The following IL1RAP variants were observed in gnomAD, a reference collection of about 807,000 sequenced individuals.
IL1RAP encodes interleukin-1 receptor accessory protein.
Under a neutral mutation model 60.7 loss-of-function variants are expected in IL1RAP, and 35 were observed. That is an observed-to-expected ratio of 0.58 (90% CI 0.44 to 0.76). IL1RAP has a LOEUF of 0.76. Ranked by LOEUF, IL1RAP falls within the 30% of genes least tolerant of loss-of-function variation. The pLI, the probability that IL1RAP is intolerant of heterozygous loss-of-function variation, is 0.00. For synonymous variants in IL1RAP, 268 were observed against 250.9 expected, an observed-to-expected ratio of 1.07 and a Z score of -0.64; for missense variants, 572 against 693.9, an observed-to-expected ratio of 0.82 and a Z score of 1.97.
intron 3 of IL1RAP, among the ~76,000 whole-genome samples, chr3:190,567,435 AT>A: frequency 6.6e-6 from 1 of 152,320 alleles, no homozygotes; most frequent in East Asian, 1.9e-4. Context: ...CACCCAAACC[AT>A]GGGGTAGTCA....
chr3:190,616,262 A>G (rs1731260126), intron 5 of IL1RAP, among the ~76,000 whole-genome samples: 1 of 152,092 alleles, frequency 6.6e-6, no homozygotes, highest in African/African-American at 2.4e-5. Flanking sequence ...TTTTTTCTGT[A>G]GTAAGTAGTG....
At chr3:190,576,501 C>T (rs2161058) in intron 3 of IL1RAP, among the ~76,000 whole-genome samples, 7,928 of 152,130 alleles carry the variant, frequency 0.052, 678 homozygotes, top group African/African-American at 0.18. Context: ...CTCAAGTTAA[C>T]GAGTGACAAA....
chr3:190,615,280 T>C (rs1731167514), intron 5 of IL1RAP: 19 of 1,255,628 alleles, frequency 1.5e-5, no homozygotes, highest in East Asian at 5.6e-5. Context: ...TTCTGAAATA[T>C]ACCATGTGTA....
chr3:190,654,765 G>A (rs1357955361), downstream of IL1RAP, among the ~76,000 whole-genome samples: 1 of 152,194 alleles, frequency 6.6e-6, no homozygotes, highest in Non-Finnish European at 1.5e-5. Context: ...CTCACACGGT[G>A]ACTCTGGCAC....
In IL1RAP at chr3:190,650,684, A is replaced by C; in HGVS notation, c.*1979A>C. On this transcript the variant is annotated 3_prime_UTR_variant, in exon 12 of 12. Coordinates refer to ENST00000447382, the MANE Select transcript of IL1RAP (RefSeq NM_002182.4). Reference sequence around the variant, plus strand: ...GTTTCACTTGGATGAAAAAAGTAGAAAAGTAGGTCATTCTTGGATCTACTT... The same window carrying C: ...GTTTCACTTGGATGAAAAAAGTAGACAAGTAGGTCATTCTTGGATCTACTT... 1.0e-6 allele frequency: 1 copy of C among 959,818 alleles called. No homozygotes were observed. Among genetic ancestry groups the C allele is most frequent in the Non-Finnish European group, 1.2e-6 (1 of 806,654 alleles). 59.5% of individuals were successfully genotyped at this position (959,818 alleles called of 1,614,324 possible).
Position 190,576,756 on chromosome 3 carries a change from T to C in IL1RAP, c.64+12403T>C, listed in dbSNP as rs146236801. 4.4e-3 allele frequency among the ~76,000 whole-genome samples: 667 copies of C among 152,328 alleles called. 4 individuals are homozygous for C. The highest frequency in any genetic ancestry group is 7.5e-3 in the Non-Finnish European group (510 of 68,026). On this transcript the variant is annotated intron_variant, in intron 3 of 11. Transcript: ENST00000447382. ...TAATCTTGTAATGAACCATACATGC[T>C]ATATTCTAAGAAAATACTCGGAGAA...
intron 1 of IL1RAP, among the ~76,000 whole-genome samples, chr3:190,547,381 A>G (rs1219850692): frequency 6.6e-6 from 1 of 152,176 alleles, no homozygotes; most frequent in East Asian, 1.9e-4. Flanking sequence ...TGTCAGGATG[A>G]TCCTGGTGCC....
At chr3:190,587,094 A>T (rs1048965366) in intron 3 of IL1RAP, among the ~76,000 whole-genome samples, 2 of 152,192 alleles carry the variant, frequency 1.3e-5, no homozygotes, top group African/African-American at 4.8e-5. Flanking sequence ...ATGGATTATA[A>T]ACCCATCATA....
At chr3:190,545,756 A>G (rs981576418) in intron 1 of IL1RAP, among the ~76,000 whole-genome samples, 4 of 152,052 alleles carry the variant, frequency 2.6e-5, no homozygotes, top group Admixed American at 2.6e-4. Flanking sequence ...TAAATGACAA[A>G]CTCTTGGCAG....
rs553617943 is a variant in IL1RAP at position 190,538,223 on chromosome 3, A to G, written c.-88-17907A>G. Among the ~76,000 whole-genome samples, 38 of 152,320 alleles carry G rather than the reference A, an allele frequency of 2.5e-4. No individual in the cohort carries two copies. In the South Asian group the frequency reaches 7.9e-3, roughly 32 times the overall value. On this transcript the variant is annotated intron_variant, in intron 1 of 11. Transcript: ENST00000447382. Reference sequence around the variant, plus strand: ...ACTGTTGCTTCTCAATGTATGGTCTAAGGAGCAGCAGCAATAGCAGCCTCT... The same window carrying G: ...ACTGTTGCTTCTCAATGTATGGTCTGAGGAGCAGCAGCAATAGCAGCCTCT...
rs568564494 is a variant in IL1RAP, at chr3:190,634,247, T to A, written c.1051+4749T>A. Reference sequence around the variant, plus strand: ...CTTTTTATATATTACTGGATTTGATTTACTAATATTTTGTCACAGATTTTT... The same window carrying A: ...CTTTTTATATATTACTGGATTTGATATACTAATATTTTGTCACAGATTTTT... On this transcript the variant is annotated intron_variant, in intron 9 of 11. Transcript: ENST00000447382. Among the ~76,000 whole-genome samples the A allele has an allele frequency of 2.6e-5, 4 of 152,152 alleles. No individual in the cohort carries two copies. The East Asian group carries it at 7.7e-4, about 29-fold the overall frequency.
At chr3:190,627,286 T>G (rs199870439) in intron 7 of IL1RAP, 37 bp from the exon 8 acceptor site, 1 of 1,418,384 alleles carries the variant, frequency 7.1e-7, no homozygotes, top group Non-Finnish European at 9.3e-7. Flanking sequence ...TTTGTTTTGT[T>G]TTTTGTTTTT....
chr3:190,568,145 C>A (rs1055437122), intron 3 of IL1RAP, among the ~76,000 whole-genome samples: 1 of 152,186 alleles, frequency 6.6e-6, no homozygotes, highest in Non-Finnish European at 1.5e-5. Context: ...GGCACACACA[C>A]GGATCTTTGA....
chr3:190,534,931 A>AAAAAAG (rs1723312720), intron 1 of IL1RAP, among the ~76,000 whole-genome samples: 1 of 141,608 alleles, frequency 7.1e-6, no homozygotes, highest in Non-Finnish European at 1.6e-5. Flanking sequence ...AAAAAAAAAA[A>AAAAAAG]AAAGAAAACC....
chr3:190,564,063 C>G (rs1726148957), intron 2 of IL1RAP: 2 of 516,650 alleles, frequency 3.9e-6, no homozygotes, highest in African/African-American at 3.8e-5. Flanking sequence ...GTGTATTAAA[C>G]TTCTTTATCT....
chr3:190,646,683 T>C lies in IL1RAP; in HGVS notation c.1345+841T>C, dbSNP rs532858226. 4.1e-4 allele frequency among the ~76,000 whole-genome samples: 62 copies of C among 152,322 alleles called. 1 individual carries two copies. Among genetic ancestry groups the C allele is most frequent in the African/African-American group, 1.5e-3 (61 of 41,576 alleles). ...GTTGAAATGCTTGTAATATATCTAA[T>C]CATAAGCAAGACAAACCAATTTTAC... On this transcript the variant is annotated intron_variant, in intron 11 of 11. Transcript: ENST00000447382.
At chr3:190,657,486 T>C (rs1326115227) in exon 12 of IL1RAP, 1 of 152,162 alleles carries the variant, frequency 6.6e-6, no homozygotes, top group Non-Finnish European at 1.5e-5. Context: ...AGCGTAGAAA[T>C]AGGTGCCTTC....
intron 9 of IL1RAP, among the ~76,000 whole-genome samples, chr3:190,640,050 T>C (rs978616482): frequency 2.6e-5 from 4 of 152,206 alleles, no homozygotes; most frequent in African/African-American, 9.7e-5. Context: ...AGACTCGAGA[T>C]AATCCTGTGC....
At position 190,609,149 on chromosome 3, in the gene IL1RAP, T is replaced by C. The variant is rs747311619; in HGVS notation, c.505T>C (p.Ser169Pro). ...TCCAAATGTAGATGGATATTTTCCTTCCAGTGTCAAACCGACTATCACTTG... is the reference window on the plus strand; with the variant it reads ...TCCAAATGTAGATGGATATTTTCCTCCCAGTGTCAAACCGACTATCACTTG... ...TCPNVDGYFP[S>P]SVKPTITWYM... Residue 169 changes from serine to proline, a missense_variant, in exon 5 of 12, where the codon TCC becomes CCC. Coordinates refer to ENST00000447382, the MANE Select transcript of IL1RAP (RefSeq NM_002182.4). 11 of 1,611,796 alleles carry C rather than the reference T, an allele frequency of 6.8e-6. No homozygotes were observed. In the Admixed American group the frequency reaches 1.8e-4, roughly 27 times the overall value.
Sources: gnomAD v4.1 joint callset for allele counts (sites outside exome capture counted in the v4.1 genomes callset) on GRCh38, gnomAD v4.1.1 for gene constraint, MANE v1.5 for transcripts, NCBI Gene and HGNC (gene_info 2026-07-23, HGNC 2026-07-21) for gene names.